Variants in ICA1L observed in about 807,000 individuals in gnomAD.
The protein encoded by ICA1L is islet cell autoantigen 1-like protein.
In ICA1L, 50 loss-of-function variants were observed where a neutral mutation model predicts 61.3. The observed-to-expected ratio is 0.82, with a 90% CI of 0.65 to 1.03. The LOEUF (loss-of-function observed/expected upper bound fraction) is 1.03. ICA1L is among the 50% of genes least tolerant of loss of function. ICA1L has a pLI of 0.00. For synonymous variants in ICA1L, 161 were observed against 191.3 expected (o/e 0.84, Z 1.31); for missense variants, 508 against 556.7 (o/e 0.91, Z 0.88).
chr2:202,864,541 T>C (rs886271882), intron 1 of ICA1L, among the ~76,000 whole-genome samples: 3 of 152,120 alleles, frequency 2.0e-5, no homozygotes, highest in Admixed American at 6.6e-5. Flanking sequence ...TTATTAAATA[T>C]GAATGCAAAA....
At chr2:202,852,067 A>G (rs939104585) in intron 1 of ICA1L, among the ~76,000 whole-genome samples, 1 of 152,186 alleles carries the variant, frequency 6.6e-6, no homozygotes, top group Non-Finnish European at 1.5e-5. Context: ...TGTTTTAGAC[A>G]TGAAGTCCTT....
chr2:202,803,606 C>T (rs1441779021), intron 9 of ICA1L, among the ~76,000 whole-genome samples: 1 of 152,082 alleles, frequency 6.6e-6, no homozygotes, highest in Non-Finnish European at 1.5e-5. Context: ...GCAATCTTGG[C>T]TCACTGCAGC....
At chr2:202,867,231 A>G (rs933817097) in intron 1 of ICA1L, among the ~76,000 whole-genome samples, 3 of 152,234 alleles carry the variant, frequency 2.0e-5, no homozygotes, top group Non-Finnish European at 4.4e-5. Context: ...AAATTATTTG[A>G]GCAAACTAAC....
chr2:202,828,341 T>G (rs1276935680), intron 2 of ICA1L, among the ~76,000 whole-genome samples: 3 of 151,720 alleles, frequency 2.0e-5, no homozygotes, highest in African/African-American at 7.3e-5. Context: ...TTTAAACCAT[T>G]TATTGGTTTA....
rs1192979575 is a variant in ICA1L, at chr2:202,773,864, G to A, written c.*5669C>T. Reference sequence around the variant, plus strand: ...CCTGTGGGAAGTTTTCTTCTACAGAGGCTGAGTGGAACAGTCCTGCTAAAT... The same window carrying A: ...CCTGTGGGAAGTTTTCTTCTACAGAAGCTGAGTGGAACAGTCCTGCTAAAT... On this transcript the variant is annotated 3_prime_UTR_variant, in exon 13 of 13. Transcript: ENST00000358299. 2 of 1,319,694 alleles carry A rather than the reference G, an allele frequency of 1.5e-6. No homozygotes were observed. The highest frequency in any genetic ancestry group is 2.9e-5 in the African/African-American group (2 of 69,074). 81.7% of individuals were successfully genotyped at this position (1,319,694 alleles called of 1,614,324 possible).
intron 1 of ICA1L, among the ~76,000 whole-genome samples, chr2:202,853,648 A>G (rs979392573): frequency 1.3e-5 from 2 of 152,100 alleles, no homozygotes; most frequent in Non-Finnish European, 2.9e-5. Flanking sequence ...CAAAGAACTC[A>G]AACAAATTTA....
chr2:202,801,035 G>A (rs755744069), intron 9 of ICA1L, among the ~76,000 whole-genome samples: 5 of 151,934 alleles, frequency 3.3e-5, no homozygotes, highest in Non-Finnish European at 7.4e-5. Context: ...AAATAGAGGA[G>A]AAAATCTAGA....
chr2:202,841,313 C>T, intron 1 of ICA1L: 1 of 763,050 alleles, frequency 1.3e-6, no homozygotes, highest in East Asian at 2.5e-5. Flanking sequence ...TCAGCCTTTC[C>T]AAGCCCAGAG....
intron 10 of ICA1L, among the ~76,000 whole-genome samples, chr2:202,795,475 A>T (rs1002047953): frequency 2.0e-5 from 3 of 151,954 alleles, no homozygotes; most frequent in Non-Finnish European, 2.9e-5. Flanking sequence ...GATGCCTGTA[A>T]TCCCAGCTAC....
rs905067239 is a variant in ICA1L at position 202,777,876 on chromosome 2, C to CTTTTTTTTTTTTTTTTTTTTTTTTT, written c.*1656_*1657insAAAAAAAAAAAAAAAAAAAAAAAAA. On this transcript the variant is annotated 3_prime_UTR_variant, in exon 13 of 13. Transcript: ENST00000358299. ...ACTGTGAATAACTTAGTTAAAATGT[C>CTTTTTTTTTTTTTTTTTTTTTTTTT]TTTTTTTTTTTTTTTTTTTTTTGAG... is the stretch of plus-strand genomic sequence containing the variant. 8.6e-6 allele frequency: 1 copy of CTTTTTTTTTTTTTTTTTTTTTTTTT among 116,908 alleles called. No individual in the cohort carries two copies. Among genetic ancestry groups the CTTTTTTTTTTTTTTTTTTTTTTTTT allele is most frequent in the Non-Finnish European group, 1.7e-5 (1 of 57,282 alleles). 7.2% of individuals were successfully genotyped at this position (116,908 alleles called of 1,614,324 possible).
intron 1 of ICA1L, among the ~76,000 whole-genome samples, chr2:202,833,599 A>G (rs1694069748): frequency 6.6e-6 from 1 of 152,130 alleles, no homozygotes; most frequent in Non-Finnish European, 1.5e-5. Flanking sequence ...AAAATAAAAA[A>G]TTAAAAAATA....
rs924375759 is a variant in ICA1L, at chr2:202,849,524, C to A, written c.-7-20508G>T. Among the ~76,000 whole-genome samples, 1 of 152,216 alleles carries A rather than the reference C, an allele frequency of 6.6e-6. No individual in the cohort carries two copies. The highest frequency in any genetic ancestry group is 1.5e-5 in the Non-Finnish European group (1 of 68,038). ...TGCTAAGGAGGCCAGGCAGTTTAGA[C>A]TGGGCAGAACTCACCACAGTGCGGG... On this transcript the variant is annotated intron_variant, in intron 1 of 12. Transcript: ENST00000358299. The surrounding 1 kb of genome is among the most constrained non-coding windows in gnomAD (Gnocchi z 4.5).
intron 9 of ICA1L, among the ~76,000 whole-genome samples, chr2:202,810,208 GA>G (rs1044873838): frequency 2.6e-5 from 4 of 152,136 alleles, no homozygotes; most frequent in Non-Finnish European, 5.9e-5. Context: ...ACTGCTGAAG[GA>G]AAAAAACTTT....
intron 1 of ICA1L, among the ~76,000 whole-genome samples, chr2:202,865,984 AT>A (rs1423530241): frequency 6.6e-6 from 1 of 152,220 alleles, no homozygotes; most frequent in Non-Finnish European, 1.5e-5. Context: ...GTCATGAAAT[AT>A]TTAGCAACAA....
At chr2:202,825,437 T>G (rs1693815339) in intron 3 of ICA1L, 1 of 906,016 alleles carries the variant, frequency 1.1e-6, no homozygotes. Context: ...ACCACTGCAC[T>G]CCAACCTGAG....
intron 9 of ICA1L, among the ~76,000 whole-genome samples, chr2:202,798,480 A>G (rs779627477): frequency 2.1e-4 from 32 of 152,138 alleles, no homozygotes; most frequent in African/African-American, 1.9e-4. Flanking sequence ...GGCTCAAGCA[A>G]TCCTCCCACC....
intron 2 of ICA1L, among the ~76,000 whole-genome samples, chr2:202,828,594 AC>A (rs1693914967): frequency 6.6e-6 from 1 of 152,198 alleles, no homozygotes; most frequent in Non-Finnish European, 1.5e-5. Flanking sequence ...TAGCTTGAAA[AC>A]TATGCATGCC....
At chr2:202,827,143 C>T (rs1311570695) in intron 2 of ICA1L, among the ~76,000 whole-genome samples, 3 of 152,120 alleles carry the variant, frequency 2.0e-5, no homozygotes, top group Non-Finnish European at 2.9e-5. Context: ...CCTGTAATTC[C>T]AGCACTTTGG....
In ICA1L at chr2:202,776,510, T is replaced by G. The variant is rs1692227634; in HGVS notation, c.*3023A>C. 6.6e-6 allele frequency: 1 copy of G among 152,220 alleles called. No individual in the cohort carries two copies. Among genetic ancestry groups the G allele is most frequent in the Non-Finnish European group, 1.5e-5 (1 of 68,036 alleles). 9.4% of individuals were successfully genotyped at this position (152,220 alleles called of 1,614,324 possible). On this transcript the variant is annotated 3_prime_UTR_variant, in exon 13 of 13. Coordinates refer to ENST00000358299, the MANE Select transcript of ICA1L (RefSeq NM_001288622.3). ...AACCAGTCATTCTCTGTTCTGTGCT[T>G]ATCCCGTCCTTTCCCTCGTTTCTTC...
Sources: gnomAD v4.1 joint callset for allele counts (sites outside exome capture counted in the v4.1 genomes callset) on GRCh38, gnomAD v4.1.1 for gene constraint, Gnocchi (gnomAD v3.1) non-coding constraint, MANE v1.5 for transcripts, NCBI Gene and HGNC (gene_info 2026-07-23, HGNC 2026-07-21) for gene names.